Variants in INSR observed in about 807,000 individuals in gnomAD.
INSR encodes the protein insulin receptor.
INSR carries 67 observed loss-of-function variants against 142.6 expected under a neutral mutation model. That is an observed-to-expected ratio of 0.47 (90% CI 0.39 to 0.58). INSR has a LOEUF of 0.58. Among genes scored for constraint, INSR ranks in the 20% least tolerant of loss-of-function variants. The pLI, the probability that INSR is intolerant of heterozygous loss-of-function variation, is 0.00. For synonymous variants in INSR, 756 were observed against 743.1 expected, an observed-to-expected ratio of 1.02 and a Z score of -0.28; for missense variants, 1,248 against 1,833.2, an observed-to-expected ratio of 0.68 and a Z score of 5.83.
At chr19:7,293,503 G>A (rs965133347) in intron 1 of INSR, among the ~76,000 whole-genome samples, 1 of 152,228 alleles carries the variant, frequency 6.6e-6, no homozygotes, top group African/African-American at 2.4e-5. Context: ...GCCGGGGCAC[G>A]GGTCGGAGGC....
At position 7,197,835 on chromosome 19, in the gene INSR, CGAGA is replaced by C. The variant is rs748138504; in HGVS notation, c.653-13202_653-13199del. On this transcript the variant is annotated intron_variant, in intron 2 of 21. Coordinates refer to ENST00000302850, the MANE Select transcript of INSR (RefSeq NM_000208.4). ...GAGAGAGAGCGAGAGAGAGAGAGAA[CGAGA>C]GAGAGAGAGAGAGAACGAGAGAGAG... 1.8e-4 allele frequency among the ~76,000 whole-genome samples: 5 copies of C among 28,310 alleles called. 2 individuals carry two copies. Among genetic ancestry groups the C allele is most frequent in the African/African-American group, 7.5e-4 (4 of 5,354 alleles). The allele number at this position is 28,310 out of a possible 152,430, so 18.6% of individuals were successfully genotyped here. A position where few individuals can be genotyped will look rare whatever the true frequency, so the allele number is the denominator to read the frequency against.
chr19:7,293,797 C>T lies in INSR; in HGVS notation c.95G>A (p.Gly32Glu). 1 of 1,361,880 alleles carries T rather than the reference C, an allele frequency of 7.3e-7. No homozygotes were observed. Among genetic ancestry groups the T allele is most frequent in the South Asian group, 1.8e-5 (1 of 56,424 alleles). 84.4% of individuals were successfully genotyped at this position (1,361,880 alleles called of 1,614,324 possible). A position where few individuals can be genotyped will look rare whatever the true frequency, so the allele number is the denominator to read the frequency against. The stretch of plus-strand genomic sequence containing the variant: ...GCCCGCGCCCCCAGACTCACCCTCT[C>T]CGGGGTACAGGTGGCCCGCGGCGCC... ...LLGAAGHLYPGEVCPGMDIRN... is the reference protein window; with the variant it reads ...LLGAAGHLYPEEVCPGMDIRN... Residue 32 changes from glycine to glutamate, a missense_variant, in exon 1 of 22, where the codon GGA (glycine) becomes GAA (glutamate). This residue lies in a region of INSR where 57 missense variants were observed against 49.5 expected (regional missense o/e 1.15). Transcript: ENST00000302850.
At chr19:7,231,574 TAC>T (rs1287328513) in intron 2 of INSR, among the ~76,000 whole-genome samples, 2 of 152,034 alleles carry the variant, frequency 1.3e-5, no homozygotes, top group Non-Finnish European at 2.9e-5. Context: ...GTGCTGGGAT[TAC>T]AGACATGAGC....
intron 18 of INSR, 35 bp from the exon 19 acceptor site, chr19:7,122,808 C>T: frequency 6.2e-7 from 1 of 1,614,016 alleles, no homozygotes; most frequent in Non-Finnish European, 8.5e-7. Context: ...GTTTCAGCAG[C>T]ACTGGGATCC....
chr19:7,149,380 T>C (rs1281542626), intron 11 of INSR, among the ~76,000 whole-genome samples: 1 of 152,160 alleles, frequency 6.6e-6, no homozygotes. Context: ...TCTCTCCAAG[T>C]GGTCCCAACT....
At chr19:7,189,638 T>C (rs1013288256) in intron 2 of INSR, among the ~76,000 whole-genome samples, 2 of 151,918 alleles carry the variant, frequency 1.3e-5, no homozygotes, top group Admixed American at 1.3e-4. Context: ...ACTAGTTAAA[T>C]GTACCTGTAA....
chr19:7,113,143 A>G lies in INSR; in HGVS notation c.*3913T>C, dbSNP rs1972245010. 1 of 152,132 alleles carries G rather than the reference A, an allele frequency of 6.6e-6. No homozygotes were observed. The highest frequency in any genetic ancestry group is 2.4e-5 in the African/African-American group (1 of 41,418). The allele number at this position is 152,132 out of a possible 1,614,324, so 9.4% of individuals were successfully genotyped here. A position where few individuals can be genotyped will look rare whatever the true frequency, so the allele number is the denominator to read the frequency against. ...TTAGCACTGGGACTACAGCACATCC[A>G]TTTACCGGATGACCAGCGCAAGTCA... On this transcript the variant is annotated 3_prime_UTR_variant, in exon 22 of 22. Coordinates refer to ENST00000302850, the MANE Select transcript of INSR (RefSeq NM_000208.4).
chr19:7,261,102 G>C (rs981223534), intron 2 of INSR, among the ~76,000 whole-genome samples: 1 of 151,968 alleles, frequency 6.6e-6, no homozygotes, highest in African/African-American at 2.4e-5. Context: ...TGCCCAGGCT[G>C]GTCTCGAACT....
At chr19:7,206,246 CAGCTTCT>C (rs1188426624) in intron 2 of INSR, among the ~76,000 whole-genome samples, 1 of 152,146 alleles carries the variant, frequency 6.6e-6, no homozygotes, top group Non-Finnish European at 1.5e-5. Context: ...TAGCTCACTG[CAGCTTCT>C]ACCTCTTGGG....
rs1235046253 is a variant in INSR at position 7,119,707 on chromosome 19, CA to C, written c.3660-125del. 3 of 1,062,484 alleles carry C rather than the reference CA, an allele frequency of 2.8e-6. No individual in the cohort carries two copies. Among genetic ancestry groups the C allele is most frequent in the Non-Finnish European group, 4.3e-6 (3 of 703,432 alleles). The allele number at this position is 1,062,484 out of a possible 1,614,324, so 65.8% of individuals were successfully genotyped here. A position where few individuals can be genotyped will look rare whatever the true frequency, so the allele number is the denominator to read the frequency against. On this transcript the variant is annotated intron_variant, in intron 20 of 21. Transcript: ENST00000302850. This position sits in a 1 kb window ranked among gnomAD's most constrained non-coding sequence, Gnocchi z 5.2. ...AAACACACATGCCAACACATACATG[CA>C]AACACACACATGCAAACACACACGC...
chr19:7,265,489 C>T (rs999814528), intron 2 of INSR, among the ~76,000 whole-genome samples: 2 of 151,932 alleles, frequency 1.3e-5, no homozygotes, highest in Non-Finnish European at 2.9e-5. Flanking sequence ...GCCTGTAATC[C>T]CAACACTTTG....
intron 2 of INSR, among the ~76,000 whole-genome samples, chr19:7,251,213 A>C (rs1475879017): frequency 2.0e-5 from 3 of 151,998 alleles, no homozygotes; most frequent in African/African-American, 7.3e-5. Flanking sequence ...AATCACCCTC[A>C]GTTCAAAACC....
intron 4 of INSR, among the ~76,000 whole-genome samples, chr19:7,173,072 G>A (rs561339790): frequency 1.2e-4 from 18 of 152,144 alleles, no homozygotes; most frequent in East Asian, 1.9e-4. Context: ...GAGACTGCCC[G>A]GCCTGCCAGG....
chr19:7,126,884 T>TTTTG (rs1972659733), intron 15 of INSR, among the ~76,000 whole-genome samples: 1 of 152,058 alleles, frequency 6.6e-6, no homozygotes, highest in African/African-American at 2.4e-5. Flanking sequence ...GGTGGTTTTT[T>TTTTG]TTTTGTTTTG....
chr19:7,158,477 G>T (rs768457358), intron 9 of INSR, among the ~76,000 whole-genome samples: 4 of 152,078 alleles, frequency 2.6e-5, no homozygotes, highest in Admixed American at 6.6e-5. Flanking sequence ...CTCCAGCCTG[G>T]GTGACAGAGC....
chr19:7,164,051 G>A (rs75365779), intron 8 of INSR, among the ~76,000 whole-genome samples: 2,255 of 135,156 alleles, frequency 0.017, 57 homozygotes, highest in African/African-American at 0.059. Flanking sequence ...CTGAGAATGC[G>A]CCATTGAACT....
chr19:7,256,652 T>G (rs1328791376), intron 2 of INSR, among the ~76,000 whole-genome samples: 1 of 148,794 alleles, frequency 6.7e-6, no homozygotes, highest in African/African-American at 2.5e-5. Flanking sequence ...GAATTCCAGC[T>G]ACTCAGGAGG....
At chr19:7,209,379 G>C (rs896334376) in intron 2 of INSR, among the ~76,000 whole-genome samples, 4 of 152,150 alleles carry the variant, frequency 2.6e-5, no homozygotes, top group Admixed American at 6.5e-5. Flanking sequence ...TCCAGCTTCT[G>C]CTCCTCATGT....
rs530288343 is a variant in INSR, at chr19:7,173,110, A to T, written c.1124-676T>A. Among the ~76,000 whole-genome samples, 8 of 152,212 alleles carry T rather than the reference A, an allele frequency of 5.3e-5. No homozygotes were observed. The East Asian group carries it at 1.5e-3, about 29-fold the overall frequency. On this transcript the variant is annotated intron_variant, in intron 4 of 21. Coordinates refer to ENST00000302850, the MANE Select transcript of INSR (RefSeq NM_000208.4). ...GAATATATTCATGAAAGAGCCCTTT[A>T]TAGGGAAAAGTTGCCCATTTCCATT...
Sources: gnomAD v4.1 joint callset for allele counts (sites outside exome capture counted in the v4.1 genomes callset) on GRCh38, gnomAD v4.1.1 for gene constraint, gnomAD v4.1.1 regional missense constraint, Gnocchi (gnomAD v3.1) non-coding constraint, MANE v1.5 for transcripts, NCBI Gene and HGNC (gene_info 2026-07-23, HGNC 2026-07-21) for gene names.